Variants in DPP6 observed in about 807,000 individuals in gnomAD.
DPP6 encodes dipeptidyl peptidase like 6.
DPP6 carries 69 observed loss-of-function variants against 122.6 expected under a neutral mutation model. The ratio of observed to expected loss-of-function variants is 0.56; its 90% CI spans 0.46 to 0.69. The LOEUF is 0.69. Ranked by LOEUF, DPP6 falls within the 30% of genes least tolerant of loss-of-function variation. The probability of loss-of-function intolerance (pLI) is 0.00; values close to 1 mark genes in which losing one functional copy is unlikely to be tolerated. For synonymous variants in DPP6, 418 were observed against 433.1 expected (o/e 0.97, Z 0.43); for missense variants, 928 against 1,116.9 (o/e 0.83, Z 2.41).
At chr7:153,918,466 A>ACACTCT (rs1379555083) in intron 1 of DPP6, among the ~76,000 whole-genome samples, 16 of 96,004 alleles carry the variant, frequency 1.7e-4, no homozygotes, top group African/African-American at 4.6e-4. Flanking sequence ...ACACACACAC[A>ACACTCT]CTCTCTCTCT....
chr7:154,497,873 C>A (rs1824888371), intron 3 of DPP6, among the ~76,000 whole-genome samples: 1 of 152,090 alleles, frequency 6.6e-6, no homozygotes, highest in African/African-American at 2.4e-5. Flanking sequence ...TACAGCATCC[C>A]TGACAACTGG....
the DPP6 span, among the ~76,000 whole-genome samples, chr7:153,875,293 GA>G: frequency 6.6e-6 from 1 of 152,002 alleles, no homozygotes; most frequent in Non-Finnish European, 1.5e-5. Context: ...AAAATATAAG[GA>G]CATTTTTTTG....
Position 154,355,245 on chromosome 7 carries a change from G to A in DPP6, c.244-90969G>A, listed in dbSNP as rs79357253. The stretch of plus-strand genomic sequence containing the variant: ...GTTATTGTATGGCTCCCTTATACTT[G>A]AACTACAAAAGTTATTTATATATTC... On this transcript the variant is annotated intron_variant, in intron 1 of 25. Transcript: ENST00000377770. Among the ~76,000 whole-genome samples the A allele has an allele frequency of 2.7e-3, 412 of 152,200 alleles. 15 individuals are homozygous for A. In the East Asian group the frequency reaches 0.069, roughly 26 times the overall value.
intron 1 of DPP6, among the ~76,000 whole-genome samples, chr7:154,329,160 A>G (rs575856898): frequency 6.6e-6 from 1 of 152,230 alleles, no homozygotes; most frequent in Admixed American, 6.5e-5. Context: ...AATATTCCCT[A>G]TGAAAGCTCC....
intron 1 of DPP6, among the ~76,000 whole-genome samples, chr7:154,199,874 C>T (rs1585613824): frequency 6.6e-6 from 1 of 152,150 alleles, no homozygotes; most frequent in Non-Finnish European, 1.5e-5. Context: ...TCCCAAAGTG[C>T]TGGGATTACA....
chr7:154,412,352 C>T (rs1423393015), intron 1 of DPP6, among the ~76,000 whole-genome samples: 4 of 152,178 alleles, frequency 2.6e-5, no homozygotes, highest in Non-Finnish European at 5.9e-5. Flanking sequence ...TAATCTCCAG[C>T]AAAGCTTCTC....
intron 1 of DPP6, among the ~76,000 whole-genome samples, chr7:154,275,942 A>G (rs767658383): frequency 1.6e-4 from 25 of 152,246 alleles, no homozygotes; most frequent in Non-Finnish European, 3.2e-4. Flanking sequence ...TCAGAATGCA[A>G]TTTGAAAACT....
chr7:154,884,381 G>A (rs555494526), intron 21 of DPP6: 1 of 137,266 alleles, frequency 7.3e-6, no homozygotes, highest in Non-Finnish European at 1.5e-5. Context: ...ACATACACCT[G>A]CTCATACACA....
chr7:154,246,514 G>T (rs1801995620), intron 1 of DPP6, among the ~76,000 whole-genome samples: 1 of 152,114 alleles, frequency 6.6e-6, no homozygotes, highest in Non-Finnish European at 1.5e-5. Flanking sequence ...ATTCCAACAA[G>T]GTGGTAGAAA....
At chr7:154,695,683 G>A (rs1038126800) in intron 7 of DPP6, among the ~76,000 whole-genome samples, 1 of 152,206 alleles carries the variant, frequency 6.6e-6, no homozygotes, top group Non-Finnish European at 1.5e-5. Flanking sequence ...GAGAAGCGGA[G>A]CAGCAGAGAC....
intron 16 of DPP6, among the ~76,000 whole-genome samples, chr7:154,819,874 GT>G (rs577556744): frequency 1.3e-5 from 2 of 152,308 alleles, no homozygotes; most frequent in African/African-American, 2.4e-5. Context: ...AAAGAAGTTT[GT>G]TTTTTTAGAA....
At chr7:153,942,345 A>G (rs1247625093) in intron 1 of DPP6, among the ~76,000 whole-genome samples, 1 of 152,206 alleles carries the variant, frequency 6.6e-6, no homozygotes, top group Non-Finnish European at 1.5e-5. Context: ...GTTGATACCC[A>G]AAACCTTCTT....
chr7:153,760,850 G>A, the DPP6 span, among the ~76,000 whole-genome samples: 4 of 152,154 alleles, frequency 2.6e-5, no homozygotes, highest in Middle Eastern at 3.4e-3. Context: ...TCTCTCATGC[G>A]TGCCCTGTTC....
intron 1 of DPP6, among the ~76,000 whole-genome samples, chr7:154,105,003 C>CT (rs1806048960): frequency 1.3e-5 from 2 of 152,222 alleles, no homozygotes; most frequent in African/African-American, 4.8e-5. Context: ...TGGCACACGC[C>CT]TGCGGTCCCA....
intron 8 of DPP6, among the ~76,000 whole-genome samples, chr7:154,762,637 C>T (rs373832592): frequency 8.5e-5 from 13 of 152,172 alleles, no homozygotes; most frequent in Admixed American, 3.3e-4. Flanking sequence ...AAATAGTAAC[C>T]GGCAGGGCTC....
intron 15 of DPP6, 44 bp downstream of exon 15, chr7:154,805,008 G>A (rs752131301): frequency 5.7e-6 from 9 of 1,565,968 alleles, no homozygotes; most frequent in Admixed American, 1.9e-5. Context: ...CCCCTTAGGA[G>A]GGCATCCAGG....
chr7:154,599,408 GCT>G (rs1833290225), intron 5 of DPP6, among the ~76,000 whole-genome samples: 2 of 152,080 alleles, frequency 1.3e-5, no homozygotes, highest in African/African-American at 4.8e-5. Context: ...AGAAAACGTG[GCT>G]CAGGTGACGA....
chr7:154,176,364 A>C (rs74542487), intron 1 of DPP6, among the ~76,000 whole-genome samples: 1,600 of 152,298 alleles, frequency 0.011, 29 homozygotes, highest in African/African-American at 0.036. Context: ...TTTGAAACCC[A>C]CTGCTGTGCT....
intron 10 of DPP6, among the ~76,000 whole-genome samples, chr7:154,784,474 A>G (rs963694999): frequency 6.6e-6 from 1 of 152,242 alleles, no homozygotes; most frequent in Non-Finnish European, 1.5e-5. Context: ...CTGTTAAATC[A>G]CAGCAACGTA....
Sources: allele counts gnomAD v4.1 joint callset (sites outside exome capture counted in the v4.1 genomes callset), GRCh38; gene constraint gnomAD v4.1.1; transcripts MANE v1.5; gene names NCBI Gene and HGNC (gene_info 2026-07-23, HGNC 2026-07-21).